UNC13C: variants seen among roughly 807,000 people sequenced by gnomAD.
UNC13C encodes the protein unc-13 homolog C.
Under a neutral mutation model 245.4 loss-of-function variants are expected in UNC13C, and 174 were observed. That is an observed-to-expected ratio of 0.71 (90% CI 0.63 to 0.80). The LOEUF is 0.80. Ranked by LOEUF, UNC13C falls within the 30% of genes least tolerant of loss-of-function variation. UNC13C has a pLI of 0.00. For missense variants in UNC13C, 2,829 were observed against 2,602.9 expected, an observed-to-expected ratio of 1.09 and a Z score of -1.89; for synonymous variants, 992 against 895.1, an observed-to-expected ratio of 1.11 and a Z score of -1.93.
intron 2 of UNC13C, among the ~76,000 whole-genome samples, chr15:54,032,911 A>G (rs752244615): frequency 6.6e-5 from 10 of 152,164 alleles, no homozygotes; most frequent in Non-Finnish European, 1.2e-4. Context: ...ATATGTTCTC[A>G]CTCATAAGTG....
chr15:54,050,538 C>T (rs1897233189), intron 2 of UNC13C: 1 of 472,952 alleles, frequency 2.1e-6, no homozygotes, highest in Non-Finnish European at 4.2e-6. Context: ...CTTCATCATT[C>T]TATCTTCCTG....
intron 4 of UNC13C, among the ~76,000 whole-genome samples, chr15:54,148,765 C>G (rs962803275): frequency 6.6e-6 from 1 of 152,194 alleles, no homozygotes; most frequent in Non-Finnish European, 1.5e-5. Context: ...AGAAATTCTC[C>G]TAAGCCTAGA....
chr15:54,338,655 A>C (rs1438427756), intron 17 of UNC13C, among the ~76,000 whole-genome samples, 166 bp downstream of exon 17: 3 of 152,210 alleles, frequency 2.0e-5, no homozygotes, highest in Non-Finnish European at 4.4e-5. Flanking sequence ...TCACTTTCAC[A>C]TACATGAACT....
intron 2 of UNC13C, among the ~76,000 whole-genome samples, chr15:54,048,071 T>C (rs571792126): frequency 3.2e-4 from 48 of 152,306 alleles, no homozygotes; most frequent in African/African-American, 1.0e-3. Context: ...CAAGTGCTTA[T>C]ACTTATTTAA....
the UNC13C span, among the ~76,000 whole-genome samples, chr15:53,924,931 A>T: frequency 5.8e-3 from 888 of 152,340 alleles, 11 homozygotes; most frequent in African/African-American, 0.02. Context: ...TTATATGGTT[A>T]TACGTGTTTT....
intron 4 of UNC13C, among the ~76,000 whole-genome samples, chr15:54,214,878 T>C (rs1423153472): frequency 6.6e-6 from 1 of 151,940 alleles, no homozygotes; most frequent in African/African-American, 2.4e-5. Flanking sequence ...GAAGTGTGAC[T>C]TAGATGTTTA....
At chr15:54,002,130 C>A (rs1172842886) in intron 1 of UNC13C, among the ~76,000 whole-genome samples, 1 of 152,212 alleles carries the variant, frequency 6.6e-6, no homozygotes, top group South Asian at 2.1e-4. Context: ...ACTAAAATTA[C>A]AAAAATATTA....
intron 2 of UNC13C, among the ~76,000 whole-genome samples, chr15:54,117,583 A>G (rs187486601): frequency 4.2e-4 from 24 of 57,292 alleles, no homozygotes; most frequent in Non-Finnish European, 8.2e-4. Context: ...CTCTATCTCT[A>G]GCTCTCTCTC....
intron 25 of UNC13C, among the ~76,000 whole-genome samples, chr15:54,532,618 T>C (rs763190114): frequency 4.0e-5 from 6 of 151,882 alleles, no homozygotes; most frequent in Non-Finnish European, 7.4e-5. Context: ...AGAGCAGTCA[T>C]TTTCCCAAAC....
chr15:54,414,752 G>A (rs2040484561), intron 18 of UNC13C, among the ~76,000 whole-genome samples: 1 of 151,938 alleles, frequency 6.6e-6, no homozygotes, highest in East Asian at 1.9e-4. Context: ...CATTACTTTG[G>A]CACTGATATA....
At chr15:53,967,778 A>G in the UNC13C span, among the ~76,000 whole-genome samples, 1 of 152,206 alleles carries the variant, frequency 6.6e-6, no homozygotes, top group South Asian at 2.1e-4. Flanking sequence ...ATAAATAACT[A>G]GAGTTGGCAC....
At chr15:53,900,157 G>A in the UNC13C span, among the ~76,000 whole-genome samples, 1 of 151,986 alleles carries the variant, frequency 6.6e-6, no homozygotes, top group African/African-American at 2.4e-5. Flanking sequence ...CAAAATTAAT[G>A]AGGGACTAGA....
At chr15:54,455,251 A>G (rs1389373429) in intron 19 of UNC13C, among the ~76,000 whole-genome samples, 1 of 99,680 alleles carries the variant, frequency 1.0e-5, no homozygotes, top group Non-Finnish European at 2.1e-5. Context: ...TTTTTAATCC[A>G]CTCATTGGTA....
intron 10 of UNC13C, among the ~76,000 whole-genome samples, chr15:54,284,141 A>G (rs968622216): frequency 7.9e-5 from 12 of 152,194 alleles, no homozygotes; most frequent in African/African-American, 2.2e-4. Context: ...ATTTTTAGAA[A>G]GAACACATAT....
rs149065009 is a variant in UNC13C at position 54,147,604 on chromosome 15, A to G, written c.3071+3920A>G. Among the ~76,000 whole-genome samples the G allele has an allele frequency of 7.8e-4, 118 of 152,200 alleles. 1 individual carries two copies. In the East Asian group the frequency reaches 0.02, roughly 26 times the overall value. ...GTGAAACACATTTTTAATTAGAATA[A>G]CACTCCTTTGGTGCTTTGATTATAT... On this transcript the variant is annotated intron_variant, in intron 4 of 32. Transcript: ENST00000260323.
rs1001165440 is a variant in UNC13C, at chr15:54,413,255, C to T, written c.4848-1727C>T. Among the ~76,000 whole-genome samples the T allele has an allele frequency of 3.3e-5, 5 of 151,552 alleles. No individual in the cohort carries two copies. In the South Asian group the frequency reaches 1.0e-3, roughly 32 times the overall value. On this transcript the variant is annotated intron_variant, in intron 18 of 32. Transcript: ENST00000260323. Reference sequence around the variant, plus strand: ...TGTGTTTTAGTTTTTAGTTTTAGTTCTTTAGTTCTTTGTTTCTTGTATATT... The same window carrying T: ...TGTGTTTTAGTTTTTAGTTTTAGTTTTTTAGTTCTTTGTTTCTTGTATATT...
chr15:54,405,000 T>A (rs1051990098), intron 18 of UNC13C, among the ~76,000 whole-genome samples: 3 of 152,208 alleles, frequency 2.0e-5, no homozygotes, highest in Non-Finnish European at 4.4e-5. Flanking sequence ...ATTATTTTTA[T>A]GTTAGAAATC....
intron 31 of UNC13C, among the ~76,000 whole-genome samples, chr15:54,623,485 T>A (rs1402966171): frequency 6.6e-6 from 1 of 152,160 alleles, no homozygotes; most frequent in Non-Finnish European, 1.5e-5. Flanking sequence ...GATGAGCATA[T>A]CTTCATGTTC....
chr15:54,038,300 T>G (rs1896676476), intron 2 of UNC13C, among the ~76,000 whole-genome samples: 1 of 150,728 alleles, frequency 6.6e-6, no homozygotes. Context: ...CCTGGCTAAT[T>G]TTTGTATTTT....
Sources: allele counts gnomAD v4.1 joint callset (sites outside exome capture counted in the v4.1 genomes callset), GRCh38; gene constraint gnomAD v4.1.1; transcripts MANE v1.5; gene names NCBI Gene and HGNC (gene_info 2026-07-23, HGNC 2026-07-21).